STPG2: variants seen among roughly 807,000 people sequenced by gnomAD.
STPG2 encodes the protein sperm tail PG-rich repeat containing 2, also known as sperm-tail PG-rich repeat-containing protein 2.
STPG2 carries 56 observed loss-of-function variants against 54.2 expected under a neutral mutation model. That is an observed-to-expected ratio of 1.03 (90% confidence interval 0.83 to 1.29). The LOEUF is 1.29. Ranked by LOEUF, STPG2 falls within the 50% of genes most tolerant of loss-of-function variation. STPG2 has a pLI of 0.00. For synonymous variants in STPG2, 200 were observed against 181.8 expected (o/e 1.10, Z -0.81); for missense variants, 596 against 544.9 (o/e 1.09, Z -0.93).
intron 7 of STPG2, among the ~76,000 whole-genome samples, chr4:97,960,063 G>A (rs1386289673): frequency 6.6e-6 from 1 of 152,034 alleles, no homozygotes; most frequent in African/African-American, 2.4e-5. Context: ...CAATAATTGT[G>A]ATACATCACA....
chr4:98,069,888 A>G (rs1170806139), intron 5 of STPG2, among the ~76,000 whole-genome samples: 1 of 152,012 alleles, frequency 6.6e-6, no homozygotes, highest in Non-Finnish European at 1.5e-5. Flanking sequence ...TAAAGATAGT[A>G]TGTCATTCCC....
At chr4:97,492,399 C>T (rs1730521295) in intron 4 of STPG2, among the ~76,000 whole-genome samples, 1 of 151,426 alleles carries the variant, frequency 6.6e-6, no homozygotes, top group Non-Finnish European at 1.5e-5. Context: ...ACTCTTTCTC[C>T]CTGACTCCTC....
chr4:97,564,947 G>A (rs879309764), intron 10 of STPG2, among the ~76,000 whole-genome samples: 60 of 152,186 alleles, frequency 3.9e-4, no homozygotes, highest in African/African-American at 1.1e-3. Flanking sequence ...TCTTTGTGGC[G>A]TTCTCTGTAT....
intron 10 of STPG2, among the ~76,000 whole-genome samples, chr4:97,641,398 T>C (rs188863812): frequency 3.3e-5 from 5 of 150,808 alleles, no homozygotes; most frequent in Non-Finnish European, 7.4e-5. Context: ...TCAACATTAA[T>C]GATACATCAT....
intron 5 of STPG2, among the ~76,000 whole-genome samples, chr4:97,990,732 T>A (rs1734975629): frequency 6.6e-6 from 1 of 152,202 alleles, no homozygotes; most frequent in Admixed American, 6.5e-5. Flanking sequence ...GCTTAAAATT[T>A]ATTGAAACAG....
chr4:97,676,877 GA>G (rs1462145831), intron 10 of STPG2, among the ~76,000 whole-genome samples: 1 of 152,114 alleles, frequency 6.6e-6, no homozygotes, highest in Non-Finnish European at 1.5e-5. Flanking sequence ...CTTATAACCA[GA>G]ACAGACAAAA....
At chr4:98,125,007 T>A (rs1342085963) in intron 3 of STPG2, among the ~76,000 whole-genome samples, 1 of 152,246 alleles carries the variant, frequency 6.6e-6, no homozygotes, top group East Asian at 1.9e-4. Flanking sequence ...GTTTTCATGT[T>A]GTGTTTTTCA....
intron 5 of STPG2, among the ~76,000 whole-genome samples, chr4:98,012,907 T>C (rs1036670217): frequency 2.6e-5 from 4 of 152,252 alleles, no homozygotes; most frequent in African/African-American, 9.6e-5. Flanking sequence ...AAGAGACAAT[T>C]TGACTTTCTC....
intron 10 of STPG2, among the ~76,000 whole-genome samples, chr4:97,656,430 G>C (rs1722220472): frequency 6.6e-6 from 1 of 152,032 alleles, no homozygotes. Flanking sequence ...TTAAGTAAGA[G>C]AAAAGACATA....
Position 97,636,167 on chromosome 4 carries a change from A to T in STPG2, c.1320+76532T>A, listed in dbSNP as rs1721518782. On this transcript the variant is annotated intron_variant, in intron 10 of 10. Transcript: ENST00000295268. ...TCTCAGACCACAGTGCAATCAAACT[A>T]GAACTCAGGATTAAGAATCTCACTC... Among the ~76,000 whole-genome samples the T allele has an allele frequency of 4.0e-5, 6 of 148,780 alleles. No individual in the cohort carries two copies. The Admixed American group carries it at 4.1e-4, about 10-fold the overall frequency.
intron 4 of STPG2, among the ~76,000 whole-genome samples, chr4:97,501,281 A>T (rs967938524): frequency 1.3e-5 from 2 of 152,124 alleles, no homozygotes; most frequent in East Asian, 3.9e-4. Flanking sequence ...GTCAGTGCAG[A>T]TACAAGATCT....
rs17027229 is a variant in STPG2, at chr4:98,108,205, A to G, written c.500+988T>C. Among the ~76,000 whole-genome samples the G allele has an allele frequency of 8.3e-3, 1,268 of 152,254 alleles. 15 individuals carry two copies. The highest frequency in any genetic ancestry group is 0.029 in the African/African-American group (1,194 of 41,558). Reference sequence around the variant, plus strand: ...GAGTCCAAGCAAGATCCTAAAATACATCCACTGCTAGTAAACAGAAATATC... The same window carrying G: ...GAGTCCAAGCAAGATCCTAAAATACGTCCACTGCTAGTAAACAGAAATATC... On this transcript the variant is annotated intron_variant, in intron 4 of 10. Transcript: ENST00000295268.
At chr4:97,895,447 C>G (rs981523375) in intron 8 of STPG2, among the ~76,000 whole-genome samples, 1 of 151,716 alleles carries the variant, frequency 6.6e-6, no homozygotes, top group Non-Finnish European at 1.5e-5. Context: ...ATTAATTAGC[C>G]AATACAAAAT....
intron 9 of STPG2, among the ~76,000 whole-genome samples, chr4:97,782,640 G>T (rs1415505483): frequency 1.3e-5 from 2 of 152,146 alleles, no homozygotes; most frequent in Non-Finnish European, 2.9e-5. Context: ...TAAGCCAAAA[G>T]AAGAAAGCTA....
chr4:97,538,879 G>A (rs58688934), intron 4 of STPG2, among the ~76,000 whole-genome samples: 127 of 152,218 alleles, frequency 8.3e-4, no homozygotes, highest in African/African-American at 2.8e-3. Flanking sequence ...GAGAGTGGGG[G>A]CCAATATTCA....
Position 97,795,909 on chromosome 4 carries a change from A to G in STPG2, c.1204+44864T>C, listed in dbSNP as rs545005600. ...CCACCATTCTAACTGGTGTGAGATG[A>G]TATCTCATTGTGGTTTTGATTTGCA... On this transcript the variant is annotated intron_variant, in intron 9 of 10. Transcript: ENST00000295268. Among the ~76,000 whole-genome samples the G allele has an allele frequency of 1.7e-3, 252 of 152,104 alleles. 2 individuals are homozygous for G. Among genetic ancestry groups the G allele is most frequent in the Admixed American group, 2.5e-3 (38 of 15,266 alleles).
chr4:97,909,131 CAGAA>C (rs759807607), intron 8 of STPG2, among the ~76,000 whole-genome samples: 83 of 150,532 alleles, frequency 5.5e-4, no homozygotes, highest in Non-Finnish European at 1.1e-3. Flanking sequence ...CAAAAACAAA[CAGAA>C]AGAGTGAAAA....
At chr4:97,891,136 T>C (rs1421014620) in intron 8 of STPG2, among the ~76,000 whole-genome samples, 1 of 152,194 alleles carries the variant, frequency 6.6e-6, no homozygotes, top group East Asian at 1.9e-4. Context: ...CTATTAGACA[T>C]ACTAAATTCT....
chr4:97,687,643 T>A (rs1048840106), intron 10 of STPG2, among the ~76,000 whole-genome samples: 2 of 152,210 alleles, frequency 1.3e-5, no homozygotes, highest in African/African-American at 2.4e-5. Context: ...CCCAGCTCCA[T>A]GCATTGAATC....
Sources: gnomAD v4.1 joint callset for allele counts (sites outside exome capture counted in the v4.1 genomes callset) on GRCh38, gnomAD v4.1.1 for gene constraint, MANE v1.5 for transcripts, NCBI Gene and HGNC (gene_info 2026-07-23, HGNC 2026-07-21) for gene names.